Variants in PBX3 observed in about 807,000 individuals in gnomAD.
PBX3 encodes the protein pre-B-cell leukemia transcription factor 3.
In PBX3, 14 loss-of-function variants were observed where a neutral mutation model predicts 48.5. The ratio of observed to expected loss-of-function variants is 0.29; its 90% confidence interval spans 0.19 to 0.45. The LOEUF (loss-of-function observed/expected upper bound fraction) is 0.45. PBX3 is among the 20% of genes least tolerant of loss of function. The pLI is 1.00. For synonymous variants in PBX3, 210 were observed against 200.3 expected, an observed-to-expected ratio of 1.05 and a Z score of -0.41; for missense variants, 386 against 546.7, an observed-to-expected ratio of 0.71 and a Z score of 2.93.
At chr9:125,835,865 A>G (rs924891197) in intron 2 of PBX3, among the ~76,000 whole-genome samples, 2 of 152,232 alleles carry the variant, frequency 1.3e-5, no homozygotes, top group Non-Finnish European at 2.9e-5. Context: ...TCCAAAAAAA[A>G]GGAAATCAGT....
chr9:125,955,948 C>T (rs1052778761), intron 5 of PBX3, among the ~76,000 whole-genome samples: 3 of 152,188 alleles, frequency 2.0e-5, no homozygotes, highest in Non-Finnish European at 2.9e-5. Flanking sequence ...AAGCATTTCG[C>T]AGTTGGTTAT....
intron 2 of PBX3, among the ~76,000 whole-genome samples, chr9:125,795,338 A>G (rs1837747434): frequency 6.6e-6 from 1 of 152,204 alleles, no homozygotes; most frequent in African/African-American, 2.4e-5. Flanking sequence ...CCTAGCTGGT[A>G]TATCTTTTTA....
intron 2 of PBX3, among the ~76,000 whole-genome samples, chr9:125,784,963 C>T (rs903372865): frequency 2.6e-5 from 4 of 152,148 alleles, no homozygotes; most frequent in Non-Finnish European, 5.9e-5. Flanking sequence ...TTTTAAATGT[C>T]CTAATTTCTC....
chr9:125,856,182 A>G (rs1175209879), intron 2 of PBX3, among the ~76,000 whole-genome samples: 2 of 152,204 alleles, frequency 1.3e-5, no homozygotes, highest in African/African-American at 4.8e-5. Context: ...CAGATGAGAG[A>G]TATTAACAAA....
intron 2 of PBX3, among the ~76,000 whole-genome samples, chr9:125,903,095 A>G (rs1337910162): frequency 6.6e-6 from 1 of 151,728 alleles, no homozygotes; most frequent in Non-Finnish European, 1.5e-5. Context: ...TATATTTTAT[A>G]TAGATTCATT....
intron 5 of PBX3, among the ~76,000 whole-genome samples, chr9:125,950,116 T>G (rs1271506512): frequency 6.6e-6 from 1 of 152,222 alleles, no homozygotes; most frequent in African/African-American, 2.4e-5. Flanking sequence ...TGTGGTAATT[T>G]AGAGGCACCC....
At chr9:125,791,313 A>G (rs994139587) in intron 2 of PBX3, among the ~76,000 whole-genome samples, 5 of 150,384 alleles carry the variant, frequency 3.3e-5, no homozygotes, top group East Asian at 4.0e-4. Context: ...CTATCTATCT[A>G]TCTATCTATC....
intron 2 of PBX3, among the ~76,000 whole-genome samples, chr9:125,818,959 C>T (rs1398374685): frequency 2.0e-5 from 3 of 151,844 alleles, no homozygotes; most frequent in Non-Finnish European, 4.4e-5. Context: ...CCTCAACCTC[C>T]CGAGTAGCTG....
chr9:125,776,763 T>C (rs1192517857), intron 2 of PBX3, among the ~76,000 whole-genome samples: 1 of 151,950 alleles, frequency 6.6e-6, no homozygotes, highest in East Asian at 1.9e-4. Context: ...AGGCTGGTCT[T>C]GAACTCCTGC....
chr9:125,798,370 A>G (rs116986597), intron 2 of PBX3, among the ~76,000 whole-genome samples: 71 of 152,198 alleles, frequency 4.7e-4, no homozygotes, highest in East Asian at 4.2e-3. Context: ...CTAAGCCACA[A>G]TTGTTACTAC....
rs182743633 is a variant in PBX3, at chr9:125,832,103, A to G, written c.274+83480A>G. ...TTAAGTTCTTAGATTTTATATTTAT[A>G]TATCTTTTATGACAAAAAATTTATT... On this transcript the variant is annotated intron_variant, in intron 2 of 8. Transcript: ENST00000373489. Among the ~76,000 whole-genome samples the G allele has an allele frequency of 9.4e-4, 143 of 152,234 alleles. 2 individuals are homozygous for G. The highest frequency in any genetic ancestry group is 5.0e-3 in the South Asian group (24 of 4,826).
At position 125,776,812 on chromosome 9, in the gene PBX3, G is replaced by A. The variant is rs564390127; in HGVS notation, c.274+28189G>A. On this transcript the variant is annotated intron_variant, in intron 2 of 8. Transcript: ENST00000373489. The stretch of plus-strand genomic sequence containing the variant: ...ACCTGTCTCAGCTTCTCAAAGTTCT[G>A]GGATTACAGGTGTGAGCCACTGTGC... 2.0e-5 allele frequency among the ~76,000 whole-genome samples: 3 copies of A among 152,176 alleles called. 1 individual carries two copies. In the South Asian group the frequency reaches 6.2e-4, roughly 32 times the overall value.
chr9:125,859,705 A>T (rs1203835354), intron 2 of PBX3, among the ~76,000 whole-genome samples: 1 of 152,232 alleles, frequency 6.6e-6, no homozygotes, highest in Admixed American at 6.5e-5. Context: ...AAGGTGATCA[A>T]TAGATATGTA....
Position 125,966,026 on chromosome 9 carries a change from C to T in PBX3, c.*103C>T. ...TTGTAGCCCACCATCTACAGCTTTA[C>T]TGTAAAACCTTGTCTTATTCGAGAA... On this transcript the variant is annotated 3_prime_UTR_variant, in exon 9 of 9. Coordinates refer to ENST00000373489, the MANE Select transcript of PBX3 (RefSeq NM_006195.6). The T allele has an allele frequency of 1.4e-6, 1 of 717,636 alleles. No individual in the cohort carries two copies. The highest frequency in any genetic ancestry group is 1.9e-5 in the South Asian group (1 of 52,220). The allele number at this position is 717,636 out of a possible 1,614,324, so 44.5% of individuals were successfully genotyped here.
intron 2 of PBX3, among the ~76,000 whole-genome samples, chr9:125,864,294 T>C (rs939296899): frequency 2.6e-5 from 4 of 152,232 alleles, no homozygotes; most frequent in African/African-American, 9.6e-5. Context: ...AGTCAATTAT[T>C]AGAGTGTACT....
At chr9:125,921,448 C>T (rs920890995) in intron 3 of PBX3, among the ~76,000 whole-genome samples, 16 of 152,080 alleles carry the variant, frequency 1.1e-4, no homozygotes, top group African/African-American at 3.9e-4. Flanking sequence ...GTATGAATTT[C>T]ATAAAATTAC....
chr9:125,850,166 G>A (rs904780422), intron 2 of PBX3, among the ~76,000 whole-genome samples: 9 of 151,934 alleles, frequency 5.9e-5, no homozygotes, highest in African/African-American at 2.2e-4. Context: ...TTAAATTGTA[G>A]CGTTAAATTT....
chr9:125,787,926 C>T (rs1483278690), intron 2 of PBX3, among the ~76,000 whole-genome samples: 1 of 152,044 alleles, frequency 6.6e-6, no homozygotes, highest in East Asian at 1.9e-4. Flanking sequence ...AGCTAAAGGT[C>T]ATTGGTGATT....
chr9:125,805,017 A>G (rs1838081757), intron 2 of PBX3, among the ~76,000 whole-genome samples: 1 of 151,888 alleles, frequency 6.6e-6, no homozygotes, highest in African/African-American at 2.4e-5. Context: ...GAGCTTTTAT[A>G]TTTTGTTGGG....
Sources: gnomAD v4.1 joint callset for allele counts (sites outside exome capture counted in the v4.1 genomes callset) on GRCh38, gnomAD v4.1.1 for gene constraint, MANE v1.5 for transcripts, NCBI Gene and HGNC (gene_info 2026-07-23, HGNC 2026-07-21) for gene names.